Variants in ADAMTS5 observed in about 807,000 individuals in gnomAD.
The protein encoded by ADAMTS5 is ADAM metallopeptidase with thrombospondin type 1 motif 5.
ADAMTS5 carries 54 observed loss-of-function variants against 81.4 expected under a neutral mutation model. That is an observed-to-expected ratio of 0.66 (90% CI 0.53 to 0.83). The LOEUF (loss-of-function observed/expected upper bound fraction) is 0.83. Among genes scored for constraint, ADAMTS5 ranks in the 40% least tolerant of loss-of-function variants. ADAMTS5 has a pLI of 0.00. For synonymous variants in ADAMTS5, 532 were observed against 508.8 expected (o/e 1.05, Z -0.61); for missense variants, 1,194 against 1,229.9 (o/e 0.97, Z 0.44).
chr21:26,932,772 A>G, intron 5 of ADAMTS5, 89 bp downstream of exon 5: 1 of 1,400,636 alleles, frequency 7.1e-7, no homozygotes, highest in Middle Eastern at 2.1e-4. Flanking sequence ...TAAGATTAAT[A>G]TTATTTCCCC....
intron 1 of ADAMTS5, among the ~76,000 whole-genome samples, chr21:26,955,227 T>C (rs1305641795): frequency 1.3e-5 from 2 of 152,256 alleles, no homozygotes; most frequent in East Asian, 3.8e-4. Context: ...TGGAAATTCA[T>C]GCTAAATTTA....
Position 26,929,972 on chromosome 21 carries a change from G to C in ADAMTS5, c.2139C>G (p.Gly713=). ...CVRTGCDGII[G]SKLQYDKCGV... Reference sequence around the variant, plus strand: ...CGCACTTGTCATACTGCAGCTTTGAGCCAATGATGCCGTCACAGCCAGTTC... The same window carrying C: ...CGCACTTGTCATACTGCAGCTTTGACCCAATGATGCCGTCACAGCCAGTTC... Residue 713 remains glycine (G), a synonymous_variant, in exon 7 of 8, where the codon GGC becomes GGG. Transcript: ENST00000284987. The C allele has an allele frequency of 6.2e-7, 1 of 1,614,118 alleles. No individual in the cohort carries two copies. Among genetic ancestry groups the C allele is most frequent in the East Asian group, 2.2e-5 (1 of 44,884 alleles).
Position 26,966,531 on chromosome 21 carries a change from C to T in ADAMTS5, c.-140G>A. On this transcript the variant is annotated 5_prime_UTR_variant, in exon 1 of 8. Coordinates refer to ENST00000284987, the MANE Select transcript of ADAMTS5 (RefSeq NM_007038.5). ...GAGTCAAGTGTCGGAGGGAGGGGGGCCCGGCAGCAGCGCCAGCCTGTCCGG... is the reference window on the plus strand; with the variant it reads ...GAGTCAAGTGTCGGAGGGAGGGGGGTCCGGCAGCAGCGCCAGCCTGTCCGG... The T allele has an allele frequency of 2.4e-6, 2 of 819,662 alleles. No individual in the cohort carries two copies. The highest frequency in any genetic ancestry group is 3.9e-4 in the Middle Eastern group (1 of 2,544). 50.8% of individuals were successfully genotyped at this position (819,662 alleles called of 1,614,324 possible).
In ADAMTS5 at chr21:26,965,658, G is replaced by A. The variant is rs1452439093; in HGVS notation, c.734C>T (p.Ser245Leu). 6.3e-7 allele frequency: 1 copy of A among 1,591,736 alleles called. No individual in the cohort carries two copies. Among genetic ancestry groups the A allele is most frequent in the Admixed American group, 1.7e-5 (1 of 57,888 alleles). The change falls in exon 1 of 8, where the codon TCG becomes TTG. Residue 245 changes from serine to leucine, a missense_variant. By Grantham distance (145) the Ser-to-Leu change is moderately radical. This residue lies in a region of ADAMTS5 where 498 missense variants were observed against 412.3 expected (regional missense o/e 1.21). Transcript: ENST00000284987. Reference protein sequence around the residue: ...ASQLLDQSALSPAGGSGPQTW... With the variant: ...ASQLLDQSALLPAGGSGPQTW... ...CTGCGGTCCTGAGCCCCCAGCGGGC[G>A]AGAGAGCGGACTGGTCCAAGAGCTG...
chr21:26,939,594 G>A (rs749094445), intron 3 of ADAMTS5: 3 of 152,082 alleles, frequency 2.0e-5, no homozygotes, highest in African/African-American at 7.3e-5. Context: ...ACTACATGAC[G>A]AATTTTCAAA....
At chr21:26,939,307 G>A in intron 3 of ADAMTS5, among the ~76,000 whole-genome samples, 1 of 152,164 alleles carries the variant, frequency 6.6e-6, no homozygotes, top group East Asian at 1.9e-4. Flanking sequence ...CTGTGATAGA[G>A]GATAAAGGAA....
intron 1 of ADAMTS5, among the ~76,000 whole-genome samples, chr21:26,957,781 A>G (rs1304944712): frequency 6.6e-6 from 1 of 152,182 alleles, no homozygotes; most frequent in African/African-American, 2.4e-5. Context: ...AGACTGAGAC[A>G]TTGTATCTAA....
chr21:26,930,179 T>TC (rs1248164309), intron 6 of ADAMTS5, 118 bp from the exon 7 acceptor site: 1 of 803,886 alleles, frequency 1.2e-6, no homozygotes, highest in Admixed American at 3.5e-5. Context: ...GACAGTCCAT[T>TC]GAAAAAAAAA....
intron 6 of ADAMTS5, among the ~76,000 whole-genome samples, chr21:26,931,259 A>T (rs572555904): frequency 6.6e-6 from 1 of 152,114 alleles, no homozygotes; most frequent in Admixed American, 6.6e-5. Flanking sequence ...GTTGGTCAGG[A>T]TGGTCTTGAT....
At chr21:26,931,337 G>A (rs561278212) in intron 6 of ADAMTS5, among the ~76,000 whole-genome samples, 18 of 152,210 alleles carry the variant, frequency 1.2e-4, no homozygotes, top group South Asian at 2.1e-4. Context: ...GAGCCACTGC[G>A]CCCAGCCATA....
chr21:26,927,040 T>C (rs1225385687), intron 7 of ADAMTS5, among the ~76,000 whole-genome samples: 2 of 152,144 alleles, frequency 1.3e-5, no homozygotes, highest in Non-Finnish European at 2.9e-5. Flanking sequence ...ATATTCCTGA[T>C]TCCTTTTCTT....
rs1370666021 is a variant in ADAMTS5 at position 26,924,119 on chromosome 21, T to C, written c.2727A>G (p.Leu909=). 3 of 1,612,454 alleles carry C rather than the reference T, an allele frequency of 1.9e-6. No homozygotes were observed. Among genetic ancestry groups the C allele is most frequent in the East Asian group, 4.5e-5 (2 of 44,834 alleles). Residue 909 remains leucine (L), a synonymous_variant, in exon 8 of 8, where the codon TTA becomes TTG. Transcript: ENST00000284987. ...TVQCQDGNRK[L]AKGCPLSQRP... is the part of the protein sequence containing the mutation. Reference sequence around the variant, plus strand: ...TTTGGGAGAGAGGACATCCTTTTGCTAACTTCCGGTTTCCATCCTGGCACT... The same window carrying C: ...TTTGGGAGAGAGGACATCCTTTTGCCAACTTCCGGTTTCCATCCTGGCACT...
intron 2 of ADAMTS5, among the ~76,000 whole-genome samples, chr21:26,949,385 A>AT (rs923682069): frequency 4.6e-5 from 7 of 151,596 alleles, no homozygotes; most frequent in African/African-American, 9.7e-5. Flanking sequence ...TTATTTATTT[A>AT]TTTTTTTACT....
chr21:26,926,687 G>C (rs1011171841), intron 7 of ADAMTS5, among the ~76,000 whole-genome samples: 21 of 137,276 alleles, frequency 1.5e-4, no homozygotes, highest in African/African-American at 4.1e-4. Context: ...AAAAAAAAAA[G>C]CCAGGCTCTT....
At chr21:26,934,210 C>T (rs139206215) in intron 4 of ADAMTS5, among the ~76,000 whole-genome samples, 10 of 152,258 alleles carry the variant, frequency 6.6e-5, no homozygotes, top group African/African-American at 2.4e-4. Context: ...CTCAATTAGA[C>T]AGAATCTGAG....
intron 2 of ADAMTS5, among the ~76,000 whole-genome samples, chr21:26,948,244 T>TAACA (rs1383781151): frequency 6.6e-6 from 1 of 152,192 alleles, no homozygotes. Context: ...GGCTGACTTA[T>TAACA]AACATTAACC....
At chr21:26,927,428 A>G (rs1294251039) in intron 7 of ADAMTS5, among the ~76,000 whole-genome samples, 1 of 152,146 alleles carries the variant, frequency 6.6e-6, no homozygotes, top group Non-Finnish European at 1.5e-5. Context: ...TTTGACAGAG[A>G]CCTAAAGAGA....
At chr21:26,930,480 CA>C (rs1601000875) in intron 6 of ADAMTS5, among the ~76,000 whole-genome samples, 1 of 152,128 alleles carries the variant, frequency 6.6e-6, no homozygotes, top group African/African-American at 2.4e-5. Flanking sequence ...ATTATAATGA[CA>C]AATTTGAAAA....
chr21:26,941,512 C>A (rs1330513659), intron 3 of ADAMTS5, among the ~76,000 whole-genome samples: 1 of 152,008 alleles, frequency 6.6e-6, no homozygotes, highest in Non-Finnish European at 1.5e-5. Context: ...ATTAAGATCA[C>A]AAATTCCATA....
Sources: allele counts gnomAD v4.1 joint callset (sites outside exome capture counted in the v4.1 genomes callset), GRCh38; gene constraint gnomAD v4.1.1; regional missense constraint gnomAD v4.1.1; transcripts MANE v1.5; gene names NCBI Gene and HGNC (gene_info 2026-07-23, HGNC 2026-07-21).